CCDC33: variants seen among roughly 807,000 people sequenced by gnomAD.
CCDC33 encodes coiled-coil domain-containing protein 33.
CCDC33 carries 94 observed loss-of-function variants against 91.9 expected under a neutral mutation model. That is an observed-to-expected ratio of 1.02 (90% CI 0.87 to 1.21). The LOEUF is 1.21. Ranked by LOEUF, CCDC33 falls within the 50% of genes most tolerant of loss-of-function variation. CCDC33 has a pLI of 0.00. For synonymous variants in CCDC33, 396 were observed against 374.5 expected (o/e 1.06, Z -0.66); for missense variants, 940 against 935.5 (o/e 1.00, Z -0.06).
intron 3 of CCDC33, 137 bp downstream of exon 3, chr15:74,262,710 T>A: frequency 1.1e-6 from 1 of 892,470 alleles, no homozygotes; most frequent in Non-Finnish European, 1.6e-6. Flanking sequence ...TAAAAGCACT[T>A]AGAAAAAATC....
chr15:74,307,262 T>C (rs141248691), intron 11 of CCDC33, among the ~76,000 whole-genome samples: 1,639 of 152,298 alleles, frequency 0.011, 17 homozygotes, highest in Middle Eastern at 0.051. Context: ...GTCCCTTCTG[T>C]GCTCTGCAAG....
At chr15:74,238,568 G>A (rs1162969577) in intron 1 of CCDC33, among the ~76,000 whole-genome samples, 1 of 152,116 alleles carries the variant, frequency 6.6e-6, no homozygotes, top group Non-Finnish European at 1.5e-5. Flanking sequence ...TAAATATGCA[G>A]CAAACATTTT....
Position 74,236,537 on chromosome 15 carries a change from GC to G in CCDC33, c.-179del. 2.4e-6 allele frequency: 1 copy of G among 409,010 alleles called. No homozygotes were observed. The allele number at this position is 409,010 out of a possible 1,614,324, so 25.3% of individuals were successfully genotyped here. On this transcript the variant is annotated 5_prime_UTR_variant, in exon 1 of 19. Coordinates refer to ENST00000398814, the MANE Select transcript of CCDC33 (RefSeq NM_025055.5). ...ACCCTCCCCCTCCCCCCACATCCAG[GC>G]CCCAGGGCTGGTGTGTGGCACCCCT...
At chr15:74,238,871 G>A (rs1357576515) in intron 1 of CCDC33, among the ~76,000 whole-genome samples, 1 of 152,216 alleles carries the variant, frequency 6.6e-6, no homozygotes, top group Non-Finnish European at 1.5e-5. Flanking sequence ...GACAGACCCA[G>A]CTTCCAGTTC....
rs1367635638 is a variant in CCDC33, at chr15:74,262,476, C to T, written c.222C>T (p.Ser74=). Residue 74 remains serine, a synonymous_variant, in exon 3 of 19, where the codon TCC becomes TCT. Coordinates refer to ENST00000398814, the MANE Select transcript of CCDC33 (RefSeq NM_025055.5). ...CTGAGGAAAAGAACAATCAGAGCTC[C>T]AAGGCAGTCACATCTGTGACCTCAG... The part of the protein sequence containing the change: ...STSEEKNNQS[S]KAVTSVTSEP... 6.2e-7 allele frequency: 1 copy of T among 1,614,084 alleles called. No homozygotes were observed. Among genetic ancestry groups the T allele is most frequent in the South Asian group, 1.1e-5 (1 of 91,064 alleles).
At chr15:74,234,780 G>A (rs78956903), upstream of CCDC33, among the ~76,000 whole-genome samples, 453 of 152,370 alleles carry the variant, frequency 3.0e-3, 3 homozygotes, top group African/African-American at 9.8e-3. Flanking sequence ...AGAGCTGCAG[G>A]GCAGGGCAAG....
At chr15:74,317,896 T>G (rs1482409625) in intron 11 of CCDC33, among the ~76,000 whole-genome samples, 1 of 146,774 alleles carries the variant, frequency 6.8e-6, no homozygotes, top group African/African-American at 2.5e-5. Flanking sequence ...TGTTTTTTTT[T>G]TTTTTTTTTT....
At chr15:74,314,757 GGA>G (rs2060058709) in intron 11 of CCDC33, among the ~76,000 whole-genome samples, 1 of 152,224 alleles carries the variant, frequency 6.6e-6, no homozygotes, top group African/African-American at 2.4e-5. Flanking sequence ...ATTCCTGCCA[GGA>G]GAGAGTTTTA....
At chr15:74,206,980 T>C (rs1420394223) in intron 1 of CCDC33, among the ~76,000 whole-genome samples, 1 of 152,186 alleles carries the variant, frequency 6.6e-6, no homozygotes, top group Non-Finnish European at 1.5e-5. Context: ...CTAAAAAGCT[T>C]CTGGACTCTG....
At chr15:74,221,453 C>A in intron 2 of CCDC33, 1 of 313,646 alleles carries the variant, frequency 3.2e-6, no homozygotes, top group Non-Finnish European at 4.6e-6. Flanking sequence ...GGTTACACAG[C>A]CTTAAATGGC....
intron 2 of CCDC33, among the ~76,000 whole-genome samples, chr15:74,211,711 CTCTT>C (rs557165627): frequency 5.3e-5 from 8 of 151,844 alleles, no homozygotes; most frequent in East Asian, 1.9e-4. Flanking sequence ...GCCCCTTTCT[CTCTT>C]TCTATCTGGT....
intron 2 of CCDC33, among the ~76,000 whole-genome samples, chr15:74,260,880 A>G (rs1327969387): frequency 1.3e-5 from 2 of 152,240 alleles, no homozygotes; most frequent in Non-Finnish European, 2.9e-5. Context: ...TAATAATTTA[A>G]GGTACTAAGA....
Position 74,256,056 on chromosome 15 carries a change from C to T in CCDC33, c.186-6384C>T, listed in dbSNP as rs538788131. Among the ~76,000 whole-genome samples, 5 of 152,362 alleles carry T rather than the reference C, an allele frequency of 3.3e-5. No individual in the cohort carries two copies. The South Asian group carries it at 8.3e-4, about 25-fold the overall frequency. On this transcript the variant is annotated intron_variant, in intron 2 of 18. Transcript: ENST00000398814. The stretch of plus-strand genomic sequence containing the variant: ...AGTGGGAACTGAGCTCCAGCAGCGA[C>T]AAGACAGGTCCCTGCCCTTGAGGGG...
upstream of CCDC33, among the ~76,000 whole-genome samples, chr15:74,216,037 T>TGCACAAAGGTTGGCCCTAGGGCAGAAGC (rs2074439701): frequency 6.6e-6 from 1 of 152,170 alleles, no homozygotes; most frequent in Non-Finnish European, 1.5e-5. Flanking sequence ...CCAGGATACG[T>TGCACAAAGGTTGGCCCTAGGGCAGAAGC]GCACAAAGGT....
At chr15:74,311,588 AAG>A (rs1399356934) in intron 11 of CCDC33, 4 of 152,214 alleles carry the variant, frequency 2.6e-5, no homozygotes, top group Non-Finnish European at 5.9e-5. Flanking sequence ...GCATCCCAGA[AAG>A]AGTGTGTGGG....
At chr15:74,327,675 A>G (rs569712760) in intron 11 of CCDC33, among the ~76,000 whole-genome samples, 1 of 152,082 alleles carries the variant, frequency 6.6e-6, no homozygotes, top group South Asian at 2.1e-4. Context: ...TCATGCCCCA[A>G]AACAGCTGAG....
At chr15:74,317,358 G>A (rs2060107501) in intron 11 of CCDC33, among the ~76,000 whole-genome samples, 1 of 152,146 alleles carries the variant, frequency 6.6e-6, no homozygotes, top group African/African-American at 2.4e-5. Context: ...AAGAGACAGA[G>A]CCAGACTCCA....
chr15:74,235,602 C>T (rs1031086303), upstream of CCDC33, among the ~76,000 whole-genome samples: 1 of 152,088 alleles, frequency 6.6e-6, no homozygotes, highest in Non-Finnish European at 1.5e-5. Flanking sequence ...TATAGAGCAA[C>T]CCCCCACCCC....
chr15:74,256,584 C>T lies in CCDC33; in HGVS notation c.186-5856C>T, dbSNP rs146426900. 4.9e-3 allele frequency among the ~76,000 whole-genome samples: 741 copies of T among 152,242 alleles called. 7 individuals are homozygous for T. The highest frequency in any genetic ancestry group is 0.017 in the African/African-American group (688 of 41,534). On this transcript the variant is annotated intron_variant, in intron 2 of 18. Transcript: ENST00000398814. ...TGGTGACTGACAGGTCCACCCATTG[C>T]GGCCCAAGAAGGTGGCTCCCAGGGC...
Sources: allele counts gnomAD v4.1 joint callset (sites outside exome capture counted in the v4.1 genomes callset), GRCh38; gene constraint gnomAD v4.1.1; transcripts MANE v1.5; gene names NCBI Gene and HGNC (gene_info 2026-07-23, HGNC 2026-07-21).